Variants in ENO1 observed in about 807,000 individuals in gnomAD.
The protein encoded by ENO1 is alpha-enolase.
Under a neutral mutation model 46.3 loss-of-function variants are expected in ENO1, and 33 were observed. The observed-to-expected ratio is 0.71, with a 90% CI of 0.54 to 0.95. The LOEUF is 0.95. Ranked by LOEUF, ENO1 falls within the 40% of genes least tolerant of loss-of-function variation. The probability of loss-of-function intolerance (pLI) is 0.00; values close to 1 mark genes in which losing one functional copy is unlikely to be tolerated. For synonymous variants in ENO1, 220 were observed against 216.0 expected (o/e 1.02, Z -0.16); for missense variants, 488 against 553.3 (o/e 0.88, Z 1.18).
At chr1:8,861,574 T>A in intron 11 of ENO1, 145 bp from the exon 12 acceptor site, 1 of 749,882 alleles carries the variant, frequency 1.3e-6, no homozygotes, top group East Asian at 2.7e-5. Flanking sequence ...TTTGTCCACC[T>A]TCTTTAAACC....
intron 1 of ENO1, 134 bp from the exon 2 acceptor site, chr1:8,875,051 C>T: frequency 1.5e-6 from 1 of 668,328 alleles, no homozygotes; most frequent in South Asian, 2.0e-5. Context: ...TGTAGGAAAG[C>T]TGGCTAGGGT....
rs952787415 is a variant in ENO1, at chr1:8,865,408, C to A, written c.742G>T (p.Ala248Ser). The A allele has an allele frequency of 6.2e-7, 1 of 1,614,088 alleles. No individual in the cohort carries two copies. Among genetic ancestry groups the A allele is most frequent in the Non-Finnish European group, 8.5e-7 (1 of 1,180,048 alleles). The change falls in exon 8 of 12, where the codon GCC becomes TCC. Residue 248 changes from alanine (A) to serine (S), a missense_variant. Ala to Ser is a moderately conservative substitution (Grantham distance 99, BLOSUM62 1). Coordinates refer to ENST00000234590, the MANE Select transcript of ENO1 (RefSeq NM_001428.5). ...TTCCCAGACCTGAAGAACTCGGAGG[C>A]CGCTACGTCCATGCCGATGACCACC... ...DKVVIGMDVA[A>S]SEFFRSGKYD...
At position 8,867,194 on chromosome 1, in the gene ENO1, C is replaced by A. The variant is rs1642538689; in HGVS notation, c.367G>T (p.Ala123Ser). 3 of 1,614,102 alleles carry A rather than the reference C, an allele frequency of 1.9e-6. No homozygotes were observed. In the South Asian group the frequency reaches 3.3e-5, roughly 18 times the overall value. ...TACAGGGGGACCCCCTTCTCAACGG[C>A]ACCAGCTTTGCAGACGGCAAGGGAC... ...GVSLAVCKAG[A>S]VEKGVPLYRH... The change falls in exon 6 of 12, where the codon GCC becomes TCC. Residue 123 changes from alanine (A) to serine (S), a missense_variant. Ala to Ser is a moderately conservative substitution (Grantham distance 99). Transcript: ENST00000234590.
At chr1:8,867,681 C>G (rs1204318781) in intron 5 of ENO1, among the ~76,000 whole-genome samples, 1 of 152,122 alleles carries the variant, frequency 6.6e-6, no homozygotes, top group Non-Finnish European at 1.5e-5. Context: ...AGGCGCCCAC[C>G]ACCAGGCCTG....
chr1:8,869,350 C>T (rs1057059567), intron 4 of ENO1, among the ~76,000 whole-genome samples: 4 of 151,944 alleles, frequency 2.6e-5, no homozygotes, highest in Non-Finnish European at 5.9e-5. Context: ...GCAGACAGAA[C>T]GGTAACAAGA....
At chr1:8,876,391 T>A (rs1182348264) in intron 1 of ENO1, 1 of 152,214 alleles carries the variant, frequency 6.6e-6, no homozygotes, top group Non-Finnish European at 1.5e-5. Context: ...TTAAACATAT[T>A]TTTAGATTTA....
chr1:8,870,419 T>A (rs766980625), intron 4 of ENO1, 33 bp downstream of exon 4: 2 of 1,614,060 alleles, frequency 1.2e-6, no homozygotes, highest in East Asian at 2.2e-5. Context: ...CTGGTGGCAT[T>A]AGACACATTA....
At chr1:8,875,169 C>A (rs947759721) in intron 1 of ENO1, among the ~76,000 whole-genome samples, 1 of 152,124 alleles carries the variant, frequency 6.6e-6, no homozygotes, top group Non-Finnish European at 1.5e-5. Context: ...ATTACTGGAA[C>A]GCTAAGGGCG....
rs1352468735 is a variant in ENO1 at position 8,878,642 on chromosome 1, C to T, written c.-72G>A. Reference sequence around the variant, plus strand: ...AGGGTGCTGCAGACACCGAGGTGAACGTAAAGCCGGCGAGATCTCCGTGCT... The same window carrying T: ...AGGGTGCTGCAGACACCGAGGTGAATGTAAAGCCGGCGAGATCTCCGTGCT... On this transcript the variant is annotated 5_prime_UTR_variant, in exon 1 of 12. Transcript: ENST00000234590. 2 of 456,104 alleles carry T rather than the reference C, an allele frequency of 4.4e-6. No individual in the cohort carries two copies. Among genetic ancestry groups the T allele is most frequent in the South Asian group, 3.1e-5 (2 of 64,568 alleles). The allele number at this position is 456,104 out of a possible 1,614,324, so 28.3% of individuals were successfully genotyped here. A position where few individuals can be genotyped will look rare whatever the true frequency, so the allele number is the denominator to read the frequency against.
At chr1:8,869,952 G>C (rs985520035) in intron 4 of ENO1, among the ~76,000 whole-genome samples, 1 of 152,194 alleles carries the variant, frequency 6.6e-6, no homozygotes, top group Non-Finnish European at 1.5e-5. Flanking sequence ...GGGTAAATGA[G>C]ATAAAACCTG....
At chr1:8,876,296 T>C (rs1642730466) in intron 1 of ENO1, 2 of 152,254 alleles carry the variant, frequency 1.3e-5, no homozygotes, top group African/African-American at 4.8e-5. Context: ...TTCTGTGGCT[T>C]TGTTGTCTAT....
chr1:8,863,215 G>A lies in ENO1; in HGVS notation c.1176+20C>T, dbSNP rs1642440976. The A allele has an allele frequency of 6.2e-7, 1 of 1,612,530 alleles. No individual in the cohort carries two copies. Among genetic ancestry groups the A allele is most frequent in the Non-Finnish European group, 8.5e-7 (1 of 1,178,836 alleles). On this transcript the variant is annotated intron_variant, in intron 10 of 11. Transcript: ENST00000234590. ...AGGAAGTTGAGGTCAGAGAAGAAAG[G>A]AGGAGACGCTCATTCTTACCTGCCC...
chr1:8,873,968 C>G (rs1268922594), intron 2 of ENO1: 1 of 152,178 alleles, frequency 6.6e-6, no homozygotes, highest in Non-Finnish European at 1.5e-5. Flanking sequence ...CATAAGAAAA[C>G]TCCTCCTATA....
Position 8,866,521 on chromosome 1 carries a change from G to A in ENO1, c.445-20C>T. ...GAACGCCTGGGGAGAGCAGAGCAGAGAAGCATGGCACTGGGTCCAGAGAGC... is the reference window on the plus strand; with the variant it reads ...GAACGCCTGGGGAGAGCAGAGCAGAAAAGCATGGCACTGGGTCCAGAGAGC... On this transcript the variant is annotated intron_variant, in intron 6 of 11. Coordinates refer to ENST00000234590, the MANE Select transcript of ENO1 (RefSeq NM_001428.5). 8.7e-6 allele frequency: 14 copies of A among 1,613,756 alleles called. No individual in the cohort carries two copies. Among genetic ancestry groups the A allele is most frequent in the Non-Finnish European group, 1.2e-5 (14 of 1,179,740 alleles).
chr1:8,863,250 C>A lies in ENO1; in HGVS notation c.1161G>T (p.Gly387=), dbSNP rs763859148. The A allele has an allele frequency of 1.9e-6, 3 of 1,614,136 alleles. No homozygotes were observed. In the Admixed American group the frequency reaches 5.0e-5, roughly 27 times the overall value. The stretch of plus-strand genomic sequence containing the variant: ...TCATTCTTACCTGCCCAGTGCACAG[C>A]CCCACAACCAGGTCAGCGATGAAGG... ...EDTFIADLVV[G]LCTGQIKTGA... Residue 387 remains glycine (G), a synonymous_variant, in exon 10 of 12, where the codon GGG becomes GGT. Coordinates refer to ENST00000234590, the MANE Select transcript of ENO1 (RefSeq NM_001428.5).
At chr1:8,861,508 A>G in intron 11 of ENO1, 79 bp from the exon 12 acceptor site, 1 of 1,488,930 alleles carries the variant, frequency 6.7e-7, no homozygotes, top group Non-Finnish European at 9.3e-7. Flanking sequence ...CCCATCCTAG[A>G]TGTGGTCAAA....
chr1:8,870,659 G>T, intron 3 of ENO1, 149 bp from the exon 4 acceptor site: 1 of 1,490,342 alleles, frequency 6.7e-7, no homozygotes, highest in South Asian at 1.3e-5. Context: ...TTTCCCCCCA[G>T]AATCGGAGGA....
At chr1:8,871,074 T>TCGAGCTGCACTTCA in intron 3 of ENO1, 1 of 1,224,464 alleles carries the variant, frequency 8.2e-7, no homozygotes, top group East Asian at 3.2e-5. Context: ...ATCATCCTGC[T>TCGAGCTGCACTTCA]CCGGCTAAGT....
At position 8,866,430 on chromosome 1, in the gene ENO1, TG is replaced by T; in HGVS notation, c.515del (p.Pro172GlnfsTer21). 6.2e-7 allele frequency: 1 copy of T among 1,614,224 alleles called. No homozygotes were observed. The highest frequency in any genetic ancestry group is 1.3e-5 in the African/African-American group (1 of 75,056). ...CTTCCCTGAAGTTTGCTGCACCGAC[TG>T]GGAGGATCATGAACTCCTGCATGGC... ...KLAMQEFMIL[P>X]VGAANFREAM... On this transcript the variant is annotated frameshift_variant, in exon 7 of 12. Transcript: ENST00000234590. LOFTEE classifies it high-confidence loss of function.
Sources: gnomAD v4.1 joint callset for allele counts (sites outside exome capture counted in the v4.1 genomes callset) on GRCh38, gnomAD v4.1.1 for gene constraint, MANE v1.5 for transcripts, NCBI Gene and HGNC (gene_info 2026-07-23, HGNC 2026-07-21) for gene names.